Variants in CYB5R2 observed in about 807,000 individuals in gnomAD.
CYB5R2 encodes the protein NADH-cytochrome b5 reductase 2.
A neutral mutation model predicts 29.8 loss-of-function variants in CYB5R2; 35 were observed. The observed-to-expected ratio is 1.17, with a 90% confidence interval of 0.90 to 1.56. The LOEUF is 1.56. CYB5R2 is among the 40% of genes most tolerant of loss of function. CYB5R2 has a pLI of 0.00. For synonymous variants in CYB5R2, 169 were observed against 130.6 expected (o/e 1.29, Z -2.01); for missense variants, 419 against 346.7 (o/e 1.21, Z -1.66).
chr11:7,669,426 C>T, intron 4 of CYB5R2, 92 bp from the exon 5 acceptor site: 1 of 1,469,226 alleles, frequency 6.8e-7, no homozygotes, highest in Non-Finnish European at 9.2e-7. Flanking sequence ...GGAAGCTTTG[C>T]AGAGAAAGTG....
intron 3 of CYB5R2, 109 bp from the exon 4 acceptor site, chr11:7,669,840 T>A: frequency 1.2e-6 from 1 of 801,448 alleles, no homozygotes. Flanking sequence ...GGCACAATGT[T>A]AAGAGGGGTG....
intron 5 of CYB5R2, chr11:7,668,979 A>G (rs112171999): frequency 1.5e-6 from 1 of 676,728 alleles, no homozygotes; most frequent in Non-Finnish European, 2.7e-6. Context: ...ATTTTGATAC[A>G]ATGACGAGGA....
intron 8 of CYB5R2, 23 bp downstream of exon 8, chr11:7,666,428 A>C: frequency 1.3e-6 from 2 of 1,487,906 alleles, no homozygotes; most frequent in Non-Finnish European, 1.9e-6. Context: ...ACCCATGGTG[A>C]GTGAGGGCAA....
chr11:7,666,249 T>A, intron 8 of CYB5R2: 1 of 595,702 alleles, frequency 1.7e-6, no homozygotes, highest in Admixed American at 3.0e-5. Context: ...AGACACCTGC[T>A]CTCGATTGCC....
intron 5 of CYB5R2, 49 bp downstream of exon 5, chr11:7,669,156 C>T (rs752557121): frequency 5.6e-6 from 9 of 1,611,502 alleles, no homozygotes; most frequent in South Asian, 1.1e-5. Flanking sequence ...GGAACCATTG[C>T]AGGAATCTTC....
At chr11:7,672,944 G>A (rs1480634035) in intron 1 of CYB5R2, 53 bp from the exon 2 acceptor site, 29 of 1,554,672 alleles carry the variant, frequency 1.9e-5, no homozygotes, top group Non-Finnish European at 2.4e-5. Flanking sequence ...CCCTGGACAG[G>A]GCAGCTCTCA....
chr11:7,666,252 C>T (rs1209965546), intron 8 of CYB5R2, 199 bp downstream of exon 8: 12 of 595,890 alleles, frequency 2.0e-5, no homozygotes, highest in Non-Finnish European at 3.0e-5. Flanking sequence ...CACCTGCTCT[C>T]GATTGCCCTT....
In CYB5R2 at chr11:7,667,774, T is replaced by C. The variant is rs200823158; in HGVS notation, c.512A>G (p.Lys171Arg). Residue 171 changes from lysine (K) to arginine (R), a missense_variant, in exon 7 of 9, where the codon AAG (lysine) becomes AGG (arginine). Physicochemically the swap from Lys to Arg is conservative, Grantham distance 26 (BLOSUM62 2). Coordinates refer to ENST00000299498, the MANE Select transcript of CYB5R2 (RefSeq NM_016229.5). ...CATCCTGGTCCTGTCACTGGGGTCC[T>C]TGGTGATGTGGCGAATGAGCTGCAA... Reference protein sequence around the residue: ...PMLQLIRHITKDPSDRTRMSL... With the variant: ...PMLQLIRHITRDPSDRTRMSL... 113 of 1,614,194 alleles carry C rather than the reference T, an allele frequency of 7.0e-5. 1 individual carries two copies. The South Asian group carries it at 1.1e-3, about 15-fold the overall frequency.
intron 2 of CYB5R2, 102 bp downstream of exon 2, chr11:7,672,646 C>T (rs985271586): frequency 4.4e-5 from 44 of 995,246 alleles, no homozygotes; most frequent in South Asian, 3.2e-4. Context: ...ACACACAGGG[C>T]GGCGGGGAGT....
intron 3 of CYB5R2, chr11:7,671,569 G>C (rs565315971): frequency 6.6e-6 from 1 of 152,284 alleles, no homozygotes; most frequent in Admixed American, 6.5e-5. Context: ...CTGAGCTCTC[G>C]TGCATAGAGA....
At chr11:7,666,746 T>C (rs749290200) in intron 7 of CYB5R2, 196 bp from the exon 8 acceptor site, 135 of 484,324 alleles carry the variant, frequency 2.8e-4, no homozygotes, top group Non-Finnish European at 4.2e-4. Context: ...ATGAAGTTCC[T>C]CCATGTGGAT....
chr11:7,668,562 C>G lies in CYB5R2; in HGVS notation c.389-1G>C. 1 of 1,611,856 alleles carries G rather than the reference C, an allele frequency of 6.2e-7. No individual in the cohort carries two copies. Among genetic ancestry groups the G allele is most frequent in the Non-Finnish European group, 8.5e-7 (1 of 1,177,960 alleles). On this transcript the variant is annotated splice_acceptor_variant, in intron 5 of 8. Coordinates refer to ENST00000299498, the MANE Select transcript of CYB5R2 (RefSeq NM_016229.5). LOFTEE classifies it high-confidence loss of function. ...TGGTCTGGTCTGATTCCAAGATTCC[C>G]TGGAAACACAGAGAATGCTTATGAC...
At chr11:7,670,370 TAGAA>T (rs58190027) in intron 3 of CYB5R2, 23,832 of 150,596 alleles carry the variant, frequency 0.16, 1,926 homozygotes, top group African/African-American at 0.19. Flanking sequence ...AAAAAAAAAT[TAGAA>T]AGGAATATTT....
intron 5 of CYB5R2, 116 bp downstream of exon 5, chr11:7,669,088 GA>G (rs1331846963): frequency 8.1e-7 from 1 of 1,235,446 alleles, no homozygotes; most frequent in African/African-American, 1.5e-5. Flanking sequence ...GTGTGTGAAT[GA>G]ATGAAGACTA....
intron 1 of CYB5R2, 52 bp downstream of exon 1, chr11:7,673,367 C>T: frequency 2.0e-6 from 2 of 1,002,624 alleles, no homozygotes; most frequent in Non-Finnish European, 1.2e-6. Flanking sequence ...GCGAAGGGGG[C>T]CTGGGCACTC....
rs910459251 is a variant in CYB5R2 at position 7,673,167 on chromosome 11, C to T, written c.-67+252G>A. On this transcript the variant is annotated intron_variant, in intron 1 of 8. Transcript: ENST00000299498. ...GGCCTGGGGTGCTCAGGTCACTAGG[C>T]CCCTCCTGGCTACAGCCAAAGGTTC... 1.9e-4 allele frequency: 77 copies of T among 400,158 alleles called. 3 individuals carry two copies. In the South Asian group the frequency reaches 1.9e-3, roughly 10 times the overall value. The allele number at this position is 400,158 out of a possible 1,614,324, so 24.8% of individuals were successfully genotyped here.
At position 7,670,222 on chromosome 11, in the gene CYB5R2, G is replaced by A. The variant is rs181793088; in HGVS notation, c.152-491C>T. On this transcript the variant is annotated intron_variant, in intron 3 of 8. Transcript: ENST00000299498. ...CAAAAAATTAGCCAGGTGTGGTGGT[G>A]CACACCCACAGTCTCAGCTACTTGG... 1.5e-3 allele frequency: 255 copies of A among 170,718 alleles called. 1 individual carries two copies. The highest frequency in any genetic ancestry group is 5.8e-3 in the African/African-American group (242 of 41,532). The allele number at this position is 170,718 out of a possible 1,614,324, so 10.6% of individuals were successfully genotyped here. A position where few individuals can be genotyped will look rare whatever the true frequency, so the allele number is the denominator to read the frequency against.
rs1049025296 is a variant in CYB5R2 at position 7,667,734 on chromosome 11, G to A, written c.552C>T (p.Ala184=). 75 of 1,613,708 alleles carry A rather than the reference G, an allele frequency of 4.6e-5. No homozygotes were observed. The highest frequency in any genetic ancestry group is 6.3e-5 in the Non-Finnish European group (74 of 1,179,702). The change falls in exon 7 of 9, where the codon GCC becomes GCT. Residue 184 remains alanine (A), a synonymous_variant. Coordinates refer to ENST00000299498, the MANE Select transcript of CYB5R2 (RefSeq NM_016229.5). The part of the protein sequence containing the change: ...SDRTRMSLIF[A]NQTEEDILVR... ...AAGCTCAGCAGGAACTGACCTGGTT[G>A]GCAAAGATGAGGGACATCCTGGTCC...
In CYB5R2 at chr11:7,667,701, A is replaced by C. The variant is rs187474401; in HGVS notation, c.558+27T>G. On this transcript the variant is annotated intron_variant, in intron 7 of 8. Transcript: ENST00000299498. ...CCCAGCTCAGCAAACATTCCATCCT[A>C]CCACTGCAAGCTCAGCAGGAACTGA... is the stretch of plus-strand genomic sequence containing the variant. The C allele has an allele frequency of 3.0e-5, 47 of 1,575,832 alleles. No individual in the cohort carries two copies. In the East Asian group the frequency reaches 4.5e-4, roughly 15 times the overall value.
Sources: gnomAD v4.1 joint callset for allele counts on GRCh38, gnomAD v4.1.1 for gene constraint, MANE v1.5 for transcripts, NCBI Gene and HGNC (gene_info 2026-07-23, HGNC 2026-07-21) for gene names.